CHST11: variants seen among roughly 807,000 people sequenced by gnomAD.
CHST11 encodes the protein carbohydrate sulfotransferase 11.
Under a neutral mutation model 30.4 loss-of-function variants are expected in CHST11, and 9 were observed. The ratio of observed to expected loss-of-function variants is 0.30; its 90% CI spans 0.18 to 0.52. CHST11 has a LOEUF of 0.52. CHST11 is among the 20% of genes least tolerant of loss of function. The pLI is 0.97. For synonymous variants in CHST11, 152 were observed against 187.8 expected (o/e 0.81, Z 1.56); for missense variants, 348 against 460.6 (o/e 0.76, Z 2.24).
At position 104,521,810 on chromosome 12, in the gene CHST11, C is replaced by T. The variant is rs1213972865; in HGVS notation, c.118+64281C>T. Among the ~76,000 whole-genome samples the T allele has an allele frequency of 2.0e-5, 3 of 152,186 alleles. No individual in the cohort carries two copies. In the East Asian group the frequency reaches 5.8e-4, roughly 29 times the overall value. Reference sequence around the variant, plus strand: ...TTGATTGAAATGGGCCTCTTCTGTCCCCAGCCTGGTGAGTCGTATCTTGTT... The same window carrying T: ...TTGATTGAAATGGGCCTCTTCTGTCTCCAGCCTGGTGAGTCGTATCTTGTT... On this transcript the variant is annotated intron_variant, in intron 1 of 2. Transcript: ENST00000303694.
intron 2 of CHST11, among the ~76,000 whole-genome samples, chr12:104,679,869 G>A (rs956531499): frequency 2.6e-5 from 4 of 152,136 alleles, no homozygotes; most frequent in Admixed American, 6.5e-5. Flanking sequence ...AAAGGGTGGC[G>A]GCCCTGACTG....
chr12:104,672,929 G>C (rs114077308), intron 2 of CHST11, among the ~76,000 whole-genome samples: 2,182 of 152,288 alleles, frequency 0.014, 45 homozygotes, highest in African/African-American at 0.049. Flanking sequence ...AATCACCACA[G>C]ACCAGGTGGC....
At chr12:104,656,316 T>G (rs2039543295) in intron 2 of CHST11, among the ~76,000 whole-genome samples, 1 of 152,152 alleles carries the variant, frequency 6.6e-6, no homozygotes, top group Non-Finnish European at 1.5e-5. Flanking sequence ...TTCCTCTTTT[T>G]TTCTCATTCA....
intron 2 of CHST11, among the ~76,000 whole-genome samples, chr12:104,671,518 G>A (rs905459316): frequency 2.0e-5 from 3 of 152,132 alleles, no homozygotes; most frequent in Non-Finnish European, 4.4e-5. Flanking sequence ...TTAGCCCACT[G>A]CACTGTGATC....
intron 2 of CHST11, among the ~76,000 whole-genome samples, chr12:104,749,441 G>T (rs1386215062): frequency 6.6e-6 from 1 of 151,984 alleles, no homozygotes; most frequent in African/African-American, 2.4e-5. Context: ...CTTTGTTATG[G>T]TCTCTTCAAA....
intron 1 of CHST11, among the ~76,000 whole-genome samples, chr12:104,551,384 G>C (rs1396736818): frequency 2.6e-5 from 4 of 151,964 alleles, no homozygotes; most frequent in African/African-American, 4.8e-5. Context: ...AAGTTGGCTG[G>C]TTTTCAACGT....
At chr12:104,704,228 C>T (rs930970771) in intron 2 of CHST11, among the ~76,000 whole-genome samples, 3 of 152,360 alleles carry the variant, frequency 2.0e-5, no homozygotes, top group Admixed American at 1.3e-4. Flanking sequence ...CTACCTCCCC[C>T]CACTGTCTGT....
At chr12:104,644,947 T>TTTTTG (rs2039412128) in intron 2 of CHST11, among the ~76,000 whole-genome samples, 1 of 152,182 alleles carries the variant, frequency 6.6e-6, no homozygotes, top group African/African-American at 2.4e-5. Context: ...TCTTCCACTT[T>TTTTTG]TTTTGTTTTG....
At chr12:104,622,488 A>AG (rs1191614301) in intron 2 of CHST11, among the ~76,000 whole-genome samples, 2 of 152,212 alleles carry the variant, frequency 1.3e-5, no homozygotes, top group Non-Finnish European at 2.9e-5. Flanking sequence ...AATTCTCTCA[A>AG]GGTTGGCAGG....
chr12:104,493,188 G>A (rs77803050), intron 1 of CHST11, among the ~76,000 whole-genome samples: 3,588 of 152,298 alleles, frequency 0.024, 148 homozygotes, highest in African/African-American at 0.082. Context: ...AATGGTGCAC[G>A]ATGGCTCAGT....
intron 1 of CHST11, among the ~76,000 whole-genome samples, chr12:104,468,629 G>T (rs1469859305): frequency 6.6e-6 from 1 of 152,188 alleles, no homozygotes. Context: ...GAATCATTCT[G>T]CCCAAATGCC....
At chr12:104,599,305 A>G (rs2038935821) in intron 1 of CHST11, among the ~76,000 whole-genome samples, 1 of 152,176 alleles carries the variant, frequency 6.6e-6, no homozygotes. Context: ...CAATTAAATA[A>G]TACTGCCCCC....
intron 2 of CHST11, among the ~76,000 whole-genome samples, chr12:104,697,929 A>C (rs889241264): frequency 1.1e-4 from 16 of 152,132 alleles, no homozygotes; most frequent in African/African-American, 2.7e-4. Context: ...CCAAGTCTTG[A>C]CTTTCTTACC....
At chr12:104,738,964 G>A (rs2040324960) in intron 2 of CHST11, among the ~76,000 whole-genome samples, 1 of 152,232 alleles carries the variant, frequency 6.6e-6, no homozygotes, top group South Asian at 2.1e-4. Flanking sequence ...CAGGTTGCAG[G>A]GTCCCTCCTG....
At chr12:104,588,485 T>C (rs934954219) in intron 1 of CHST11, among the ~76,000 whole-genome samples, 19 of 152,352 alleles carry the variant, frequency 1.2e-4, no homozygotes, top group African/African-American at 1.4e-4. Flanking sequence ...TCCTGCAGCC[T>C]ATGACCCAGA....
chr12:104,549,302 G>T (rs373632008), intron 1 of CHST11, among the ~76,000 whole-genome samples: 6 of 152,176 alleles, frequency 3.9e-5, no homozygotes, highest in East Asian at 3.9e-4. Flanking sequence ...ATCCTGCTGG[G>T]CTAGTTGCTC....
At position 104,501,176 on chromosome 12, in the gene CHST11, C is replaced by T. The variant is rs143148864; in HGVS notation, c.118+43647C>T. Among the ~76,000 whole-genome samples the T allele has an allele frequency of 7.6e-4, 116 of 152,262 alleles. 1 individual carries two copies. Among genetic ancestry groups the T allele is most frequent in the African/African-American group, 2.6e-3 (108 of 41,556 alleles). ...AAGAGATAAGACTAGAGTCTGGGAA[C>T]GGAGTAGAAAGATGCTCAAGGAAGG... On this transcript the variant is annotated intron_variant, in intron 1 of 2. Transcript: ENST00000303694.
At chr12:104,696,502 A>C (rs551597895) in intron 2 of CHST11, among the ~76,000 whole-genome samples, 4 of 149,978 alleles carry the variant, frequency 2.7e-5, no homozygotes, top group African/African-American at 9.8e-5. Context: ...AAAAAAAAAA[A>C]AAAAACATAG....
At chr12:104,514,732 T>C (rs1055447273) in intron 1 of CHST11, among the ~76,000 whole-genome samples, 1 of 152,036 alleles carries the variant, frequency 6.6e-6, no homozygotes, top group Non-Finnish European at 1.5e-5. Flanking sequence ...TTCTTAACGA[T>C]CAGCTCTTGT....
Sources: allele counts gnomAD v4.1 joint callset (sites outside exome capture counted in the v4.1 genomes callset), GRCh38; gene constraint gnomAD v4.1.1; transcripts MANE v1.5; gene names NCBI Gene and HGNC (gene_info 2026-07-23, HGNC 2026-07-21).